DNAH6: variants seen among roughly 807,000 people sequenced by gnomAD.
DNAH6 encodes dynein axonemal heavy chain 6.
Under a neutral mutation model 491.4 loss-of-function variants are expected in DNAH6, and 340 were observed. The ratio of observed to expected loss-of-function variants is 0.69; its 90% CI spans 0.63 to 0.76. The LOEUF is 0.76. Ranked by LOEUF, DNAH6 falls within the 30% of genes least tolerant of loss-of-function variation. The probability of loss-of-function intolerance (pLI) is 0.00; values close to 1 mark genes in which losing one functional copy is unlikely to be tolerated. For synonymous variants in DNAH6, 1,603 were observed against 1,686.1 expected (o/e 0.95, Z 1.21); for missense variants, 4,443 against 4,972.2 (o/e 0.89, Z 3.20).
At chr2:84,497,734 G>C in the DNAH6 span, among the ~76,000 whole-genome samples, 2 of 152,132 alleles carry the variant, frequency 1.3e-5, no homozygotes, top group Non-Finnish European at 2.9e-5. Flanking sequence ...TTATGAGTAG[G>C]CATACTGTAA....
At chr2:84,739,570 G>A (rs545877178) in intron 62 of DNAH6, among the ~76,000 whole-genome samples, 1 of 152,068 alleles carries the variant, frequency 6.6e-6, no homozygotes, top group East Asian at 1.9e-4. Flanking sequence ...ACTTTTGTCT[G>A]ACTGGGTCAT....
rs1419180085 is a variant in DNAH6 at position 84,722,781 on chromosome 2, T to C, written c.9949T>C (p.Tyr3317His). The C allele has an allele frequency of 6.6e-7, 1 of 1,507,246 alleles. No individual in the cohort carries two copies. Among genetic ancestry groups the C allele is most frequent in the Non-Finnish European group, 8.8e-7 (1 of 1,131,064 alleles). The allele number at this position is 1,507,246 out of a possible 1,614,324, so 93.4% of individuals were successfully genotyped here. A position where few individuals can be genotyped will look rare whatever the true frequency, so the allele number is the denominator to read the frequency against. Residue 3317 changes from tyrosine (Y) to histidine (H), a missense_variant, in exon 60 of 77, where the codon TAC (tyrosine) becomes CAC (histidine). Tyr to His is a moderately conservative substitution (Grantham distance 83, BLOSUM62 2). Around this residue, in one of 3 missense-constraint regions of DNAH6, gnomAD observed 1,463 missense variants for 1,656.6 expected, o/e 0.88. Transcript: ENST00000389394. Reference sequence around the variant, plus strand: ...CTCAGAAATAGATCCTATGTACCAGTACTCATTAAAATACTTTAAACAGGT... The same window carrying C: ...CTCAGAAATAGATCCTATGTACCAGCACTCATTAAAATACTTTAAACAGGT... ...SLSEIDPMYQ[Y>H]SLKYFKQLFN... is the part of the protein sequence containing the mutation.
At chr2:84,491,386 G>T in the DNAH6 span, among the ~76,000 whole-genome samples, 1 of 152,054 alleles carries the variant, frequency 6.6e-6, no homozygotes, top group Non-Finnish European at 1.5e-5. Flanking sequence ...TAGGGTGGGA[G>T]GGGGAGTGGC....
chr2:84,667,543 A>G (rs1692262239), intron 37 of DNAH6, among the ~76,000 whole-genome samples: 1 of 152,018 alleles, frequency 6.6e-6, no homozygotes, highest in Non-Finnish European at 1.5e-5. Flanking sequence ...AATCAAAACC[A>G]CAATGAGATA....
intron 15 of DNAH6, among the ~76,000 whole-genome samples, chr2:84,587,029 G>T (rs2104079701): frequency 6.6e-6 from 1 of 152,224 alleles, no homozygotes; most frequent in Admixed American, 6.5e-5. Context: ...TCAGAGGTTT[G>T]CTGCATAGGT....
At chr2:84,815,289 G>C (rs1481585721) in intron 75 of DNAH6, among the ~76,000 whole-genome samples, 1 of 152,056 alleles carries the variant, frequency 6.6e-6, no homozygotes, top group East Asian at 1.9e-4. Flanking sequence ...CTGCAGACGT[G>C]AGGCTCCAAT....
intron 42 of DNAH6, among the ~76,000 whole-genome samples, chr2:84,683,301 A>G (rs1044143195): frequency 6.6e-6 from 1 of 152,112 alleles, no homozygotes; most frequent in African/African-American, 2.4e-5. Context: ...GTCTAGATGA[A>G]TAAACAAGTC....
At chr2:84,574,483 G>T (rs1280653911) in intron 12 of DNAH6, among the ~76,000 whole-genome samples, 1 of 152,018 alleles carries the variant, frequency 6.6e-6, no homozygotes, top group Admixed American at 6.6e-5. Flanking sequence ...AGATGATTTG[G>T]CCAGGGATCA....
At chr2:84,776,216 A>G (rs1676106870) in intron 64 of DNAH6, among the ~76,000 whole-genome samples, 1 of 152,230 alleles carries the variant, frequency 6.6e-6, no homozygotes, top group African/African-American at 2.4e-5. Flanking sequence ...AGAAATGTCC[A>G]GTGAAGGAGC....
At chr2:84,543,933 A>G (rs1558688083) in intron 4 of DNAH6, among the ~76,000 whole-genome samples, 1 of 152,136 alleles carries the variant, frequency 6.6e-6, no homozygotes, top group Non-Finnish European at 1.5e-5. Flanking sequence ...GATAGTTTTA[A>G]TGTAGAACTA....
intron 11 of DNAH6, among the ~76,000 whole-genome samples, chr2:84,568,855 C>T (rs748996190): frequency 2.2e-4 from 34 of 152,142 alleles, no homozygotes; most frequent in Non-Finnish European, 2.8e-4. Context: ...TATAATTTCT[C>T]AACTATCAGA....
chr2:84,540,695 C>T (rs1678162534), intron 4 of DNAH6, among the ~76,000 whole-genome samples: 1 of 152,102 alleles, frequency 6.6e-6, no homozygotes, highest in Non-Finnish European at 1.5e-5. Context: ...GTGGTTATCT[C>T]AAATGGGACA....
chr2:84,656,053 G>A (rs1690937342), intron 35 of DNAH6, among the ~76,000 whole-genome samples: 1 of 151,974 alleles, frequency 6.6e-6, no homozygotes, highest in Non-Finnish European at 1.5e-5. Context: ...AAATCATATA[G>A]TACATAGCCT....
At chr2:84,567,498 C>G (rs954490621) in intron 11 of DNAH6, among the ~76,000 whole-genome samples, 12 of 151,606 alleles carry the variant, frequency 7.9e-5, no homozygotes, top group Admixed American at 3.3e-4. Context: ...GAAATTAAAC[C>G]TCACAACCAT....
chr2:84,715,894 C>T (rs1443005731), intron 58 of DNAH6, among the ~76,000 whole-genome samples: 1 of 152,082 alleles, frequency 6.6e-6, no homozygotes, highest in Non-Finnish European at 1.5e-5. Context: ...GCTGGCAGCC[C>T]AGCCCTGCCT....
chr2:84,530,256 G>A (rs1466610827), intron 4 of DNAH6, among the ~76,000 whole-genome samples: 1 of 152,096 alleles, frequency 6.6e-6, no homozygotes. Context: ...AAAAATAGAG[G>A]CAAAGAGGAT....
chr2:84,592,001 A>G (rs1185560378), intron 16 of DNAH6, among the ~76,000 whole-genome samples: 1 of 152,204 alleles, frequency 6.6e-6, no homozygotes, highest in Non-Finnish European at 1.5e-5. Context: ...AGGAAAAGGT[A>G]GGAGAAATCT....
intron 3 of DNAH6, among the ~76,000 whole-genome samples, chr2:84,527,667 A>G (rs1369223446): frequency 6.6e-6 from 1 of 152,194 alleles, no homozygotes; most frequent in African/African-American, 2.4e-5. Context: ...CTGGCCAAGA[A>G]GTCAAAGACA....
At chr2:84,527,279 C>A (rs532541168) in intron 3 of DNAH6, among the ~76,000 whole-genome samples, 27 of 152,012 alleles carry the variant, frequency 1.8e-4, no homozygotes, top group Non-Finnish European at 3.7e-4. Flanking sequence ...TAAATGCTTT[C>A]TTTATTTCCC....
Sources: gnomAD v4.1 joint callset for allele counts (sites outside exome capture counted in the v4.1 genomes callset) on GRCh38, gnomAD v4.1.1 for gene constraint, gnomAD v4.1.1 regional missense constraint, MANE v1.5 for transcripts, NCBI Gene and HGNC (gene_info 2026-07-23, HGNC 2026-07-21) for gene names.